Variants in NISCH observed in about 807,000 individuals in gnomAD.
NISCH encodes the protein nischarin, also known as I-1 receptor candidate protein.
NISCH carries 55 observed loss-of-function variants against 138.4 expected under a neutral mutation model. The ratio of observed to expected loss-of-function variants is 0.40; its 90% CI spans 0.32 to 0.50. NISCH has a LOEUF of 0.50. Ranked by LOEUF, NISCH falls within the 20% of genes least tolerant of loss-of-function variation. The pLI is 0.71. For synonymous variants in NISCH, 860 were observed against 861.5 expected (o/e 1.00, Z 0.03); for missense variants, 1,643 against 2,005.5 (o/e 0.82, Z 3.45).
chr3:52,478,872 G>A (rs921483199), intron 11 of NISCH, among the ~76,000 whole-genome samples: 6 of 152,162 alleles, frequency 3.9e-5, no homozygotes, highest in African/African-American at 1.4e-4. Flanking sequence ...GTGCCTGACT[G>A]TAAACCCAAA....
At chr3:52,465,621 C>G (rs1706760168) in intron 3 of NISCH, among the ~76,000 whole-genome samples, 1 of 152,196 alleles carries the variant, frequency 6.6e-6, no homozygotes, top group South Asian at 2.1e-4. Flanking sequence ...TCCCAGAACC[C>G]CTGGAACAGA....
At chr3:52,459,685 C>T (rs530080627) in intron 3 of NISCH, among the ~76,000 whole-genome samples, 1 of 151,966 alleles carries the variant, frequency 6.6e-6, no homozygotes, top group African/African-American at 2.4e-5. Flanking sequence ...CTGCCTGCCT[C>T]AGCCTCCCAA....
chr3:52,464,652 G>A (rs527981943), intron 3 of NISCH, among the ~76,000 whole-genome samples: 109 of 148,386 alleles, frequency 7.3e-4, no homozygotes, highest in Non-Finnish European at 1.4e-3. Context: ...GGCCTCCCAA[G>A]TAGCTGGGAC....
Position 52,488,739 on chromosome 3 carries a change from C to A in NISCH, c.3113+134C>A, listed in dbSNP as rs572662813. 5.0e-4 allele frequency: 367 copies of A among 728,274 alleles called. 14 individuals are homozygous for A. In the South Asian group the frequency reaches 6.3e-3, roughly 13 times the overall value. 45.1% of individuals were successfully genotyped at this position (728,274 alleles called of 1,614,324 possible). ...CCCTCCCCCCCTGCCCCTCGCCCCC[C>A]CCGGGCCTCCCTCTACATCACCACC... is the stretch of plus-strand genomic sequence containing the variant. On this transcript the variant is annotated intron_variant, in intron 16 of 20. Coordinates refer to ENST00000345716, the MANE Select transcript of NISCH (RefSeq NM_007184.4).
intron 3 of NISCH, among the ~76,000 whole-genome samples, chr3:52,461,215 G>A (rs1351650983): frequency 3.3e-5 from 5 of 152,184 alleles, no homozygotes; most frequent in African/African-American, 9.7e-5. Flanking sequence ...TTCAGCATGG[G>A]CCACAGAGAC....
chr3:52,472,078 CT>C, intron 5 of NISCH, 101 bp downstream of exon 5: 2 of 1,329,544 alleles, frequency 1.5e-6, no homozygotes, highest in East Asian at 4.8e-5. Context: ...CCATGGGGGA[CT>C]GTTGGTGGAA....
intron 13 of NISCH, among the ~76,000 whole-genome samples, chr3:52,482,120 G>T (rs1352813111): frequency 6.6e-6 from 1 of 152,224 alleles, no homozygotes; most frequent in African/African-American, 2.4e-5. Flanking sequence ...GTGGCAAAAG[G>T]TGTTGGTCTT....
At chr3:52,491,831 G>A (rs1460007972) in intron 20 of NISCH, 41 bp from the exon 21 acceptor site, 2 of 1,532,288 alleles carry the variant, frequency 1.3e-6, no homozygotes, top group Non-Finnish European at 8.8e-7. Flanking sequence ...CCCCACCAGG[G>A]GCCGGTTCCA....
At position 52,457,910 on chromosome 3, in the gene NISCH, A is replaced by G. The variant is rs749540147; in HGVS notation, c.161A>G (p.His54Arg). The change falls in exon 2 of 21, where the codon CAT (histidine) becomes CGT (arginine). Residue 54 changes from histidine (H) to arginine (R), a missense_variant. His to Arg is a conservative substitution (Grantham distance 29, BLOSUM62 0). Coordinates refer to ENST00000345716, the MANE Select transcript of NISCH (RefSeq NM_007184.4). ...WTVKHRYSDF[H>R]DLHEKLVAER... ...GTAAAGCACCGCTACAGCGACTTCCATGACCTGCATGAAAAGGTAACTGTT... is the reference window on the plus strand; with the variant it reads ...GTAAAGCACCGCTACAGCGACTTCCGTGACCTGCATGAAAAGGTAACTGTT... 1.2e-6 allele frequency: 2 copies of G among 1,607,838 alleles called. No homozygotes were observed. Among genetic ancestry groups the G allele is most frequent in the South Asian group, 2.2e-5 (2 of 90,940 alleles).
chr3:52,480,954 G>A (rs1479656029), intron 13 of NISCH: 12 of 1,520,372 alleles, frequency 7.9e-6, no homozygotes, highest in Non-Finnish European at 1.1e-5. Context: ...AAGAGGGGAG[G>A]GTGTGCCGTC....
chr3:52,474,010 A>G (rs556966362), intron 7 of NISCH, among the ~76,000 whole-genome samples, 181 bp downstream of exon 7: 31 of 152,326 alleles, frequency 2.0e-4, no homozygotes, highest in African/African-American at 7.2e-4. Flanking sequence ...CCCCTGGGAC[A>G]CTTTAGTTCA....
At chr3:52,456,978 G>C (rs1431443995) in intron 1 of NISCH, among the ~76,000 whole-genome samples, 1 of 152,234 alleles carries the variant, frequency 6.6e-6, no homozygotes, top group South Asian at 2.1e-4. Context: ...GGGAGGTGGT[G>C]ATCTAGTTTG....
chr3:52,491,411 T>C lies in NISCH; in HGVS notation c.3802T>C (p.Phe1268Leu). 6.2e-7 allele frequency: 1 copy of C among 1,613,380 alleles called. No individual in the cohort carries two copies. The highest frequency in any genetic ancestry group is 8.5e-7 in the Non-Finnish European group (1 of 1,179,966). Reference protein sequence around the residue: ...LTRDSYLTHCFLQHLMVVLSS... With the variant: ...LTRDSYLTHCLLQHLMVVLSS... ...GCGGGACAGCTACCTGACGCACTGC[T>C]TCCTCCAGCACCTCATGGTCGTGCT... Residue 1268 changes from phenylalanine to leucine, a missense_variant, in exon 20 of 21, where the codon TTC (phenylalanine) becomes CTC (leucine). By Grantham distance (22) the Phe-to-Leu change is conservative (BLOSUM62 0). Transcript: ENST00000345716.
intron 3 of NISCH, among the ~76,000 whole-genome samples, chr3:52,470,180 G>C (rs1358326641): frequency 6.6e-6 from 1 of 152,058 alleles, no homozygotes; most frequent in Admixed American, 6.6e-5. Flanking sequence ...GCATGACCCA[G>C]TATGAATTAG....
At chr3:52,477,516 G>A in intron 8 of NISCH, 58 bp from the exon 9 acceptor site, 1 of 1,454,522 alleles carries the variant, frequency 6.9e-7, no homozygotes, top group Non-Finnish European at 9.7e-7. Context: ...CTGTGTCGGG[G>A]ACCGTGTTTG....
chr3:52,481,279 C>G, intron 13 of NISCH: 2 of 1,049,200 alleles, frequency 1.9e-6, no homozygotes, highest in Non-Finnish European at 2.3e-6. Context: ...GACAGGAAGA[C>G]TGGGCAGGAA....
intron 14 of NISCH, 43 bp downstream of exon 14, chr3:52,484,680 T>C (rs1258748782): frequency 1.9e-6 from 3 of 1,610,206 alleles, no homozygotes; most frequent in Non-Finnish European, 2.5e-6. Context: ...CATCTGTGGG[T>C]GGACTCTTCT....
In NISCH at chr3:52,476,573, A is replaced by C; in HGVS notation, c.892A>C (p.Ser298Arg). 1 of 1,614,168 alleles carries C rather than the reference A, an allele frequency of 6.2e-7. No homozygotes were observed. The highest frequency in any genetic ancestry group is 8.5e-7 in the Non-Finnish European group (1 of 1,180,022). Residue 298 changes from serine to arginine, a missense_variant, in exon 8 of 21, where the codon AGC becomes CGC. Coordinates refer to ENST00000345716, the MANE Select transcript of NISCH (RefSeq NM_007184.4). ...GACCACGCTTGACCTGAGCCACAACAGCGTCTCCGAGATCGACGAGTCTGT... is the reference window on the plus strand; with the variant it reads ...GACCACGCTTGACCTGAGCCACAACCGCGTCTCCGAGATCGACGAGTCTGT... ...ALTTLDLSHN[S>R]VSEIDESVKL...
chr3:52,456,077 C>T (rs1380426913), intron 1 of NISCH, among the ~76,000 whole-genome samples: 2 of 152,022 alleles, frequency 1.3e-5, no homozygotes, highest in Non-Finnish European at 2.9e-5. Flanking sequence ...GGAGGGGCCC[C>T]GGCCTGGAAG....
Sources: allele counts gnomAD v4.1 joint callset (sites outside exome capture counted in the v4.1 genomes callset), GRCh38; gene constraint gnomAD v4.1.1; transcripts MANE v1.5; gene names NCBI Gene and HGNC (gene_info 2026-07-23, HGNC 2026-07-21).